The following NRP1 variants were observed in gnomAD, a reference collection of about 807,000 sequenced individuals.
NRP1 encodes the protein neuropilin 1.
Under a neutral mutation model 106.7 loss-of-function variants are expected in NRP1, and 35 were observed. The ratio of observed to expected loss-of-function variants is 0.33; its 90% CI spans 0.25 to 0.43. The LOEUF (loss-of-function observed/expected upper bound fraction) is 0.43. Ranked by LOEUF, NRP1 falls within the 20% of genes least tolerant of loss-of-function variation. NRP1 has a pLI of 1.00. For synonymous variants in NRP1, 437 were observed against 417.9 expected (o/e 1.05, Z -0.56); for missense variants, 1,024 against 1,170.4 (o/e 0.87, Z 1.83).
rs912082743 is a variant in NRP1 at position 33,178,535 on chromosome 10, G to A, written c.*1541C>T. On this transcript the variant is annotated 3_prime_UTR_variant, in exon 17 of 17. Coordinates refer to ENST00000374867, the MANE Select transcript of NRP1 (RefSeq NM_003873.7). ...TTATCTTAAAATACTTGACCCCCAG[G>A]CATCAGGATTTATAGTTTCATTCTT... 2 of 152,066 alleles carry A rather than the reference G, an allele frequency of 1.3e-5. No homozygotes were observed. The highest frequency in any genetic ancestry group is 2.4e-5 in the African/African-American group (1 of 41,390). The allele number at this position is 152,066 out of a possible 1,614,324, so 9.4% of individuals were successfully genotyped here. A position where few individuals can be genotyped will look rare whatever the true frequency, so the allele number is the denominator to read the frequency against.
At chr10:33,281,745 A>C (rs1271006016) in intron 2 of NRP1, among the ~76,000 whole-genome samples, 1 of 152,206 alleles carries the variant, frequency 6.6e-6, no homozygotes, top group Non-Finnish European at 1.5e-5. Flanking sequence ...CCCAGGGAGA[A>C]ATAAACGAAA....
intron 16 of NRP1, among the ~76,000 whole-genome samples, chr10:33,181,190 G>A (rs191486674): frequency 2.6e-5 from 4 of 152,266 alleles, no homozygotes; most frequent in South Asian, 2.1e-4. Context: ...AAATGTTAAC[G>A]CACAATATGC....
chr10:33,185,933 CGGGA>C (rs1835977201), intron 14 of NRP1, among the ~76,000 whole-genome samples: 1 of 152,142 alleles, frequency 6.6e-6, no homozygotes, highest in Non-Finnish European at 1.5e-5. Context: ...AACTTTAAAA[CGGGA>C]GAAAGCAGCA....
At chr10:33,285,567 AG>A (rs754651459) in intron 2 of NRP1, among the ~76,000 whole-genome samples, 11 of 152,168 alleles carry the variant, frequency 7.2e-5, no homozygotes, top group Non-Finnish European at 1.3e-4. Flanking sequence ...GGCTGGGTGC[AG>A]TGTTGTAATC....
intron 2 of NRP1, among the ~76,000 whole-genome samples, chr10:33,297,344 A>G (rs1381635928): frequency 6.6e-6 from 1 of 152,204 alleles, no homozygotes; most frequent in Admixed American, 6.5e-5. Context: ...ATTCTGGAAC[A>G]TTACTGGGGC....
At chr10:33,315,463 T>C (rs150625863) in intron 2 of NRP1, among the ~76,000 whole-genome samples, 72 of 152,290 alleles carry the variant, frequency 4.7e-4, no homozygotes, top group African/African-American at 1.7e-3. Flanking sequence ...AGAAGACTCA[T>C]TGGTTGTCAA....
intron 4 of NRP1, among the ~76,000 whole-genome samples, chr10:33,258,907 T>G (rs1842384931): frequency 6.6e-6 from 1 of 152,224 alleles, no homozygotes; most frequent in Non-Finnish European, 1.5e-5. Context: ...CACTCAGACT[T>G]CCTCACTATT....
rs1156256571 is a variant in NRP1, at chr10:33,202,623, G to A, written c.1864+268C>T. On this transcript the variant is annotated intron_variant, in intron 11 of 16. Transcript: ENST00000374867. ...GATCGGTTTAGTACATTTAGCCATG[G>A]GGAAATTCTTATTCAATTAAGATAA... The A allele has an allele frequency of 2.0e-6, 3 of 1,516,230 alleles. No homozygotes were observed. In the South Asian group the frequency reaches 3.8e-5, roughly 19 times the overall value. 93.9% of individuals were successfully genotyped at this position (1,516,230 alleles called of 1,614,324 possible).
intron 2 of NRP1, among the ~76,000 whole-genome samples, chr10:33,284,228 C>T (rs990124388): frequency 6.6e-6 from 1 of 152,124 alleles, no homozygotes; most frequent in African/African-American, 2.4e-5. Context: ...TTTGTTTTTA[C>T]TAAAAACCAG....
intron 6 of NRP1, among the ~76,000 whole-genome samples, chr10:33,232,945 G>C (rs1840274481): frequency 1.3e-5 from 2 of 152,094 alleles, no homozygotes; most frequent in Non-Finnish European, 2.9e-5. Context: ...ACCGTGCCCA[G>C]CTGGTGACCA....
rs760760392 is a variant in NRP1, at chr10:33,185,641, T to C, written c.2418A>G (p.Gln806=). The part of the protein sequence containing the change: ...DDISINNHIS[Q]EDCAKPADLD... ...GCTCATACTTACTTGCACAATCTTCTTGTGAAATGTGGTTATTAATACTAA... is the reference window on the plus strand; with the variant it reads ...GCTCATACTTACTTGCACAATCTTCCTGTGAAATGTGGTTATTAATACTAA... Residue 806 remains glutamine, a synonymous_variant, in exon 15 of 17, where the codon CAA becomes CAG. Coordinates refer to ENST00000374867, the MANE Select transcript of NRP1 (RefSeq NM_003873.7). 2.5e-6 allele frequency: 4 copies of C among 1,613,578 alleles called. No individual in the cohort carries two copies. Among genetic ancestry groups the C allele is most frequent in the Non-Finnish European group, 3.4e-6 (4 of 1,179,462 alleles).
At chr10:33,321,176 C>T (rs1393816657) in intron 2 of NRP1, among the ~76,000 whole-genome samples, 1 of 152,012 alleles carries the variant, frequency 6.6e-6, no homozygotes, top group Non-Finnish European at 1.5e-5. Context: ...TAGTAGAGAC[C>T]GGGTTTCACC....
At chr10:33,329,476 A>G (rs1848121834) in intron 2 of NRP1, among the ~76,000 whole-genome samples, 1 of 152,208 alleles carries the variant, frequency 6.6e-6, no homozygotes, top group South Asian at 2.1e-4. Context: ...AGATTTTGAT[A>G]TTACTCTGTT....
At chr10:33,295,904 C>G (rs1230208231) in intron 2 of NRP1, among the ~76,000 whole-genome samples, 1 of 152,136 alleles carries the variant, frequency 6.6e-6, no homozygotes, top group African/African-American at 2.4e-5. Context: ...CAAGCAAAGC[C>G]TAAAGTGCAA....
At chr10:33,269,551 A>G (rs1023149662) in intron 3 of NRP1, among the ~76,000 whole-genome samples, 1 of 152,234 alleles carries the variant, frequency 6.6e-6, no homozygotes, top group Admixed American at 6.5e-5. Context: ...CTTTTTAAAA[A>G]GCTAATGGAG....
At chr10:33,220,900 C>CA (rs35895871) in intron 8 of NRP1, among the ~76,000 whole-genome samples, 9,686 of 60,144 alleles carry the variant, frequency 0.16, 877 homozygotes, top group East Asian at 0.4. Context: ...GGCTCAGTCT[C>CA]AAAAAAAAAA....
At chr10:33,281,515 C>G (rs1214255574) in intron 2 of NRP1, among the ~76,000 whole-genome samples, 1 of 152,194 alleles carries the variant, frequency 6.6e-6, no homozygotes. Flanking sequence ...GGATCACCAT[C>G]TTTGACACCT....
At chr10:33,262,492 C>A (rs758368581) in intron 4 of NRP1, among the ~76,000 whole-genome samples, 39 of 151,944 alleles carry the variant, frequency 2.6e-4, no homozygotes, top group Non-Finnish European at 5.0e-4. Flanking sequence ...CTCTTGAGGT[C>A]AGGAGTTCGA....
At chr10:33,248,877 A>T (rs913094605) in intron 6 of NRP1, among the ~76,000 whole-genome samples, 1 of 152,200 alleles carries the variant, frequency 6.6e-6, no homozygotes, top group Non-Finnish European at 1.5e-5. Context: ...CTGCTCCTCC[A>T]GAATAAGTGA....
Sources: gnomAD v4.1 joint callset for allele counts (sites outside exome capture counted in the v4.1 genomes callset) on GRCh38, gnomAD v4.1.1 for gene constraint, MANE v1.5 for transcripts, NCBI Gene and HGNC (gene_info 2026-07-23, HGNC 2026-07-21) for gene names.